Variants in AGBL4 observed in about 807,000 individuals in gnomAD.
AGBL4 encodes AGBL carboxypeptidase 4, also known as cytosolic carboxypeptidase 6.
AGBL4 carries 58 observed loss-of-function variants against 66.4 expected under a neutral mutation model. The observed-to-expected ratio is 0.87, with a 90% CI of 0.71 to 1.09. The LOEUF (loss-of-function observed/expected upper bound fraction) is 1.09. Ranked by LOEUF, AGBL4 falls within the 50% of genes least tolerant of loss-of-function variation. AGBL4 has a pLI of 0.00. For synonymous variants in AGBL4, 234 were observed against 222.9 expected, an observed-to-expected ratio of 1.05 and a Z score of -0.44; for missense variants, 579 against 631.0, an observed-to-expected ratio of 0.92 and a Z score of 0.88.
At chr1:48,870,791 G>T (rs1407654401) in intron 5 of AGBL4, among the ~76,000 whole-genome samples, 2 of 152,124 alleles carry the variant, frequency 1.3e-5, no homozygotes, top group East Asian at 3.9e-4. Flanking sequence ...TGACATATGT[G>T]TGCACCACCT....
intron 4 of AGBL4, among the ~76,000 whole-genome samples, chr1:49,066,387 A>G (rs1385305260): frequency 6.6e-6 from 1 of 152,194 alleles, no homozygotes; most frequent in African/African-American, 2.4e-5. Context: ...CCCCGTCTCT[A>G]CTAAAATACA....
At chr1:48,844,384 C>T (rs1009585979) in intron 6 of AGBL4, among the ~76,000 whole-genome samples, 1 of 152,210 alleles carries the variant, frequency 6.6e-6, no homozygotes, top group Non-Finnish European at 1.5e-5. Flanking sequence ...GGTATCCATG[C>T]TTTCCCATCT....
At chr1:48,808,785 A>T (rs909363095) in intron 6 of AGBL4, among the ~76,000 whole-genome samples, 9 of 152,244 alleles carry the variant, frequency 5.9e-5, no homozygotes, top group Non-Finnish European at 1.3e-4. Flanking sequence ...GCTGGCCTTG[A>T]GTAGGCACTT....
chr1:49,780,532 A>G (rs865838439), intron 2 of AGBL4, among the ~76,000 whole-genome samples: 4 of 152,266 alleles, frequency 2.6e-5, no homozygotes, highest in Middle Eastern at 3.4e-3. Flanking sequence ...TAATAATTAC[A>G]AAAATGAATT....
chr1:49,391,813 G>A (rs1279171591), intron 3 of AGBL4, among the ~76,000 whole-genome samples: 3 of 151,874 alleles, frequency 2.0e-5, no homozygotes, highest in East Asian at 1.9e-4. Flanking sequence ...TGCCCACCTT[G>A]GCCTCCCAAA....
chr1:49,831,252 T>C lies in AGBL4; in HGVS notation c.157+20144A>G, dbSNP rs1039444905. On this transcript the variant is annotated intron_variant, in intron 2 of 13. Coordinates refer to ENST00000371839, the MANE Select transcript of AGBL4 (RefSeq NM_032785.4). Reference sequence around the variant, plus strand: ...TTCCTATCCATGAGCATGGAATGTCTTCCCATTCGTTTGTGTCCTCTCTTA... The same window carrying C: ...TTCCTATCCATGAGCATGGAATGTCCTCCCATTCGTTTGTGTCCTCTCTTA... Among the ~76,000 whole-genome samples, 8 of 152,320 alleles carry C rather than the reference T, an allele frequency of 5.3e-5. No homozygotes were observed. In the South Asian group the frequency reaches 1.7e-3, roughly 32 times the overall value.
intron 1 of AGBL4, among the ~76,000 whole-genome samples, chr1:50,011,611 G>A (rs1277144070): frequency 6.6e-6 from 1 of 152,182 alleles, no homozygotes; most frequent in Non-Finnish European, 1.5e-5. Flanking sequence ...GTTTACAATA[G>A]CTAAGATTTG....
chr1:48,881,629 T>C (rs1649795451), intron 5 of AGBL4, among the ~76,000 whole-genome samples: 1 of 151,754 alleles, frequency 6.6e-6, no homozygotes, highest in African/African-American at 2.4e-5. Context: ...CTAGATAGCG[T>C]TAATATAGCT....
chr1:49,562,159 G>T (rs1047897743), intron 3 of AGBL4, among the ~76,000 whole-genome samples: 2 of 151,970 alleles, frequency 1.3e-5, no homozygotes, highest in Admixed American at 6.6e-5. Flanking sequence ...GTGGTTGTTT[G>T]TTTTTTTCTT....
intron 2 of AGBL4, among the ~76,000 whole-genome samples, chr1:49,761,075 C>A (rs879553682): frequency 6.7e-5 from 10 of 150,146 alleles, no homozygotes; most frequent in Non-Finnish European, 1.5e-4. Context: ...TGCAGCAAAC[C>A]ACCATGGCAA....
At chr1:49,849,431 T>TATG (rs1029170746) in intron 2 of AGBL4, among the ~76,000 whole-genome samples, 8 of 143,782 alleles carry the variant, frequency 5.6e-5, no homozygotes, top group African/African-American at 1.0e-4. Context: ...TTATTATTAT[T>TATG]ATGTATATTC....
chr1:49,911,375 G>A (rs1295889583), intron 1 of AGBL4, among the ~76,000 whole-genome samples: 1 of 152,156 alleles, frequency 6.6e-6, no homozygotes, highest in African/African-American at 2.4e-5. Context: ...TACAGATGGT[G>A]GAATAAACGG....
chr1:49,172,169 A>G (rs1385990837), intron 4 of AGBL4, among the ~76,000 whole-genome samples: 1 of 152,194 alleles, frequency 6.6e-6, no homozygotes, highest in African/African-American at 2.4e-5. Context: ...AATAGAGGAG[A>G]TGGACACTTT....
At chr1:48,708,453 G>A (rs1646913626) in intron 6 of AGBL4, among the ~76,000 whole-genome samples, 1 of 152,152 alleles carries the variant, frequency 6.6e-6, no homozygotes, top group African/African-American at 2.4e-5. Flanking sequence ...CTCAGGCAGA[G>A]GGCAGCATAT....
At chr1:49,743,595 C>T (rs1342414735) in intron 2 of AGBL4, among the ~76,000 whole-genome samples, 1 of 152,110 alleles carries the variant, frequency 6.6e-6, no homozygotes, top group African/African-American at 2.4e-5. Context: ...TATAAAGACA[C>T]ATGCGCACGT....
At chr1:49,079,426 T>C (rs1396885470) in intron 4 of AGBL4, among the ~76,000 whole-genome samples, 2 of 152,162 alleles carry the variant, frequency 1.3e-5, no homozygotes, top group Admixed American at 6.6e-5. Context: ...ATGTCTTACA[T>C]GGCAGCAGGT....
At chr1:49,646,520 C>T (rs1645891403) in intron 3 of AGBL4, among the ~76,000 whole-genome samples, 1 of 151,864 alleles carries the variant, frequency 6.6e-6, no homozygotes, top group Non-Finnish European at 1.5e-5. Flanking sequence ...CAAAACACCT[C>T]TTGGAAAAAT....
At chr1:49,565,135 T>A (rs1428808445) in intron 3 of AGBL4, among the ~76,000 whole-genome samples, 2 of 152,172 alleles carry the variant, frequency 1.3e-5, no homozygotes, top group Non-Finnish European at 2.9e-5. Context: ...AACCCCTGCC[T>A]TTTTTTGTTT....
chr1:49,964,403 C>A (rs576550659), intron 1 of AGBL4, among the ~76,000 whole-genome samples: 14 of 152,032 alleles, frequency 9.2e-5, no homozygotes, highest in Non-Finnish European at 2.1e-4. Context: ...AAAGCCTTAA[C>A]GTAGTACCTG....
Sources: gnomAD v4.1 joint callset for allele counts (sites outside exome capture counted in the v4.1 genomes callset) on GRCh38, gnomAD v4.1.1 for gene constraint, MANE v1.5 for transcripts, NCBI Gene and HGNC (gene_info 2026-07-23, HGNC 2026-07-21) for gene names.